Variants in PKP3 observed in about 807,000 individuals in gnomAD.
PKP3 encodes the protein plakophilin 3, also known as plakophilin-3.
A neutral mutation model predicts 76.5 loss-of-function variants in PKP3; 66 were observed. That is an observed-to-expected ratio of 0.86 (90% confidence interval 0.71 to 1.06). The LOEUF (loss-of-function observed/expected upper bound fraction) is 1.06, where lower values mean the gene tolerates loss of function less well. PKP3 is among the 50% of genes least tolerant of loss of function. The probability of loss-of-function intolerance (pLI) is 0.00; values close to 1 mark genes in which losing one functional copy is unlikely to be tolerated. For synonymous variants in PKP3, 638 were observed against 516.5 expected (o/e 1.24, Z -3.19); for missense variants, 1,338 against 1,141.0 (o/e 1.17, Z -2.49).
At chr11:400,814 C>A (rs1847145355) in intron 8 of PKP3, 109 bp downstream of exon 8, 5 of 429,726 alleles carry the variant, frequency 1.2e-5, no homozygotes, top group Non-Finnish European at 9.6e-6. Context: ...TCACCCCGCC[C>A]CGCTCACCCC....
chr11:404,423 G>C lies in PKP3; in HGVS notation c.2358+100G>C. The C allele has an allele frequency of 4.1e-6, 6 of 1,474,476 alleles. No homozygotes were observed. Among genetic ancestry groups the C allele is most frequent in the Non-Finnish European group, 5.7e-6 (6 of 1,054,414 alleles). 91.3% of individuals were successfully genotyped at this position (1,474,476 alleles called of 1,614,324 possible). ...GGCCCATGGGAGGATGGAGACCAGG[G>C]ACCCAGAGAGGAAGGGTCCGGGCCA... On this transcript the variant is annotated intron_variant, in intron 12 of 12. Transcript: ENST00000331563. The surrounding 1 kb of genome is among the most constrained non-coding windows in gnomAD (Gnocchi z 4.2).
At chr11:398,930 C>A in intron 4 of PKP3, 62 bp from the exon 5 acceptor site, 2 of 1,263,500 alleles carry the variant, frequency 1.6e-6, no homozygotes. Context: ...CAGCTGCACA[C>A]AGGTGCATAG....
intron 1 of PKP3, chr11:396,322 C>T: frequency 4.9e-6 from 2 of 411,304 alleles, no homozygotes; most frequent in Non-Finnish European, 4.3e-6. Flanking sequence ...CTGGCACATT[C>T]CTCCTGGCGA....
rs772385316 is a variant in PKP3, at chr11:399,981, C to G, written c.1288C>G (p.Leu430Val). Reference sequence around the variant, plus strand: ...CCGTCCTCCAGGGATCCTGTGGAACCTTTCATCCAGCGACCACCTGAAGGA... The same window carrying G: ...CCGTCCTCCAGGGATCCTGTGGAACGTTTCATCCAGCGACCACCTGAAGGA... ...RKNVTGILWN[L>V]SSSDHLKDRL... is the part of the protein sequence containing the mutation. The change falls in exon 6 of 13, where the codon CTT (leucine) becomes GTT (valine). Residue 430 changes from leucine (L) to valine (V), a missense_variant. By Grantham distance (32) the Leu-to-Val change is conservative (BLOSUM62 1). Transcript: ENST00000331563. The G allele has an allele frequency of 6.2e-7, 1 of 1,603,538 alleles. No individual in the cohort carries two copies. Among genetic ancestry groups the G allele is most frequent in the South Asian group, 1.1e-5 (1 of 89,508 alleles).
chr11:403,623 G>C lies in PKP3; in HGVS notation c.1929G>C (p.Ala643=), dbSNP rs750267470. The C allele has an allele frequency of 2.5e-6, 4 of 1,604,644 alleles. No homozygotes were observed. Among genetic ancestry groups the C allele is most frequent in the Non-Finnish European group, 2.5e-6 (3 of 1,179,612 alleles). The part of the protein sequence containing the change: ...QNITAGDRRW[A]GVLSRLALEQ... ...CACACCCTCCCTCCCCACAGTGGGC[G>C]GGGGTGCTGAGCCGCCTGGCCCTGG... The change falls in exon 10 of 13, where the codon GCG becomes GCC. Residue 643 remains alanine (A), a synonymous_variant. Transcript: ENST00000331563.
At position 399,939 on chromosome 11, in the gene PKP3, G is replaced by A. The variant is rs1002206754; in HGVS notation, c.1274-28G>A. On this transcript the variant is annotated intron_variant, in intron 5 of 12. Transcript: ENST00000331563. ...ACGCGGAGGGGGTTGGAGGGCAGAC[G>A]CTGATAGCAGCCTCCCCCGTCCTCC... 8.9e-6 allele frequency: 14 copies of A among 1,565,264 alleles called. No homozygotes were observed. The African/African-American group carries it at 1.4e-4, about 15-fold the overall frequency.
rs756189727 is a variant in PKP3 at position 396,696 on chromosome 11, T to C, written c.312+9T>C. 1.6e-5 allele frequency: 26 copies of C among 1,607,450 alleles called. No homozygotes were observed. In the Admixed American group the frequency reaches 3.7e-4, roughly 23 times the overall value. On this transcript the variant is annotated intron_variant, in intron 2 of 12. Coordinates refer to ENST00000331563, the MANE Select transcript of PKP3 (RefSeq NM_007183.4). ...GTGGGGACAAGACCTCGGTGAGCGA[T>C]GGGCCCAGCCCGAGGGGGACGATCT...
intron 1 of PKP3, among the ~76,000 whole-genome samples, chr11:395,898 G>A (rs1367689625): frequency 6.6e-6 from 1 of 152,214 alleles, no homozygotes; most frequent in Admixed American, 6.5e-5. Flanking sequence ...TGTCGTCGAC[G>A]GCTGTCCCAC....
rs144679997 is a variant in PKP3 at position 400,009 on chromosome 11, G to A, written c.1316G>A (p.Arg439His). 5 of 1,607,262 alleles carry A rather than the reference G, an allele frequency of 3.1e-6. No individual in the cohort carries two copies. In the African/African-American group the frequency reaches 4.0e-5, roughly 13 times the overall value. ...NLSSSDHLKD[R>H]LARDTLEQLT... ...TCATCCAGCGACCACCTGAAGGACC[G>A]CCTGGCCAGAGACACGCTGGAGCAG... is the stretch of plus-strand genomic sequence containing the variant. Residue 439 changes from arginine (R) to histidine (H), a missense_variant, in exon 6 of 13, where the codon CGC becomes CAC. Transcript: ENST00000331563.
Position 403,108 on chromosome 11 carries a change from G to A in PKP3, c.1768G>A (p.Ala590Thr), listed in dbSNP as rs779818959. 1.1e-5 allele frequency: 17 copies of A among 1,546,304 alleles called. No homozygotes were observed. The highest frequency in any genetic ancestry group is 1.7e-4 in the Middle Eastern group (1 of 5,788). Residue 590 changes from alanine (A) to threonine (T), a missense_variant, in exon 9 of 13, where the codon GCG becomes ACG. By Grantham distance (58) the Ala-to-Thr change is moderately conservative (BLOSUM62 0). Transcript: ENST00000331563. ...CCTCGCCGCCGATGCGCTCACCTTC[G>A]CGGAGGTGTCCAAGGACCCCAAGGG... Reference protein sequence around the residue: ...LPLAADALTFAEVSKDPKGLE... With the variant: ...LPLAADALTFTEVSKDPKGLE...
chr11:397,691 C>A (rs377205895), intron 4 of PKP3, 29 bp downstream of exon 4: 2 of 1,602,478 alleles, frequency 1.2e-6, no homozygotes, highest in South Asian at 1.1e-5. Context: ...CACTCGCTGC[C>A]CCCTGGTGAC....
chr11:398,208 G>A (rs538158196), intron 4 of PKP3, among the ~76,000 whole-genome samples: 73 of 45,694 alleles, frequency 1.6e-3, no homozygotes, highest in African/African-American at 2.0e-3. Flanking sequence ...CATCACCTCC[G>A]TACCCCCGCA....
intron 1 of PKP3, among the ~76,000 whole-genome samples, chr11:394,897 G>A (rs7480979): frequency 0.48 from 73,335 of 152,026 alleles, 18,486 homozygotes; most frequent in South Asian, 0.57. Context: ...GGGTCTCAGG[G>A]ACACCCAGAC....
At chr11:393,983 A>G (rs1231420662), upstream of PKP3, among the ~76,000 whole-genome samples, 1 of 152,218 alleles carries the variant, frequency 6.6e-6, no homozygotes, top group Non-Finnish European at 1.5e-5. Flanking sequence ...AACAAGAAGG[A>G]CCCAGGTCCC....
chr11:403,491 G>A lies in PKP3; in HGVS notation c.1924-127G>A, dbSNP rs1590361111. 4 of 978,766 alleles carry A rather than the reference G, an allele frequency of 4.1e-6. No homozygotes were observed. In the Admixed American group the frequency reaches 7.2e-5, roughly 18 times the overall value. The allele number at this position is 978,766 out of a possible 1,614,324, so 60.6% of individuals were successfully genotyped here. On this transcript the variant is annotated intron_variant, in intron 9 of 12. Coordinates refer to ENST00000331563, the MANE Select transcript of PKP3 (RefSeq NM_007183.4). ...CTGCGGCTGATTCCCCCCGGCTGGGGGGCAAAGGCAGAAGCAGAGGCCCCC... is the reference window on the plus strand; with the variant it reads ...CTGCGGCTGATTCCCCCCGGCTGGGAGGCAAAGGCAGAAGCAGAGGCCCCC...
intron 8 of PKP3, 85 bp downstream of exon 8, chr11:400,790 C>G (rs1847143808): frequency 1.4e-6 from 1 of 693,098 alleles, no homozygotes; most frequent in East Asian, 4.9e-5. Flanking sequence ...CCGCCCCGCT[C>G]ACCCCCGCCC....
chr11:394,355 G>T lies in PKP3; in HGVS notation c.63G>T (p.Ala21=), dbSNP rs988491372. 14 of 1,512,434 alleles carry T rather than the reference G, an allele frequency of 9.3e-6. No homozygotes were observed. Among genetic ancestry groups the T allele is most frequent in the Non-Finnish European group, 1.2e-5 (14 of 1,137,556 alleles). 93.7% of individuals were successfully genotyped at this position (1,512,434 alleles called of 1,614,324 possible). Residue 21 remains alanine, a synonymous_variant, in exon 1 of 13, where the codon GCG becomes GCT. Transcript: ENST00000331563. The part of the protein sequence containing the change: ...LQPEAGVCSL[A]LPSDLQLDRR... ...CTGAGGCCGGCGTGTGCTCCCTGGCGCTGCCCTCTGACCTGCAGCTGGACC... is the reference window on the plus strand; with the variant it reads ...CTGAGGCCGGCGTGTGCTCCCTGGCTCTGCCCTCTGACCTGCAGCTGGACC...
chr11:403,161 C>T lies in PKP3; in HGVS notation c.1821C>T (p.Ile607=), dbSNP rs369941667. Residue 607 remains isoleucine (I), a synonymous_variant, in exon 9 of 13, where the codon ATC becomes ATT. Transcript: ENST00000331563. ...TCGAGTGGCTGTGGAGCCCCCAGATCGTGGGGCTGTACAACCGGCTGCTGC... is the reference window on the plus strand; with the variant it reads ...TCGAGTGGCTGTGGAGCCCCCAGATTGTGGGGCTGTACAACCGGCTGCTGC... ...KGLEWLWSPQ[I]VGLYNRLLQR... is the part of the protein sequence containing the mutation. The T allele has an allele frequency of 4.4e-6, 7 of 1,585,802 alleles. No homozygotes were observed. The highest frequency in any genetic ancestry group is 1.7e-4 in the Middle Eastern group (1 of 6,026).
chr11:395,853 T>C (rs1847038454), intron 1 of PKP3, among the ~76,000 whole-genome samples: 1 of 152,054 alleles, frequency 6.6e-6, no homozygotes, highest in Admixed American at 6.5e-5. Context: ...CACGAGTCCA[T>C]CCCTCTGCCC....
Sources: gnomAD v4.1 joint callset for allele counts (sites outside exome capture counted in the v4.1 genomes callset) on GRCh38, gnomAD v4.1.1 for gene constraint, Gnocchi (gnomAD v3.1) non-coding constraint, MANE v1.5 for transcripts, NCBI Gene and HGNC (gene_info 2026-07-23, HGNC 2026-07-21) for gene names.